DAB1: variants seen among roughly 807,000 people sequenced by gnomAD.
The protein encoded by DAB1 is disabled homolog 1.
Under a neutral mutation model 64.6 loss-of-function variants are expected in DAB1, and 15 were observed. The observed-to-expected ratio is 0.23, with a 90% confidence interval of 0.16 to 0.36. The LOEUF is 0.36. Ranked by LOEUF, DAB1 falls within the 10% of genes least tolerant of loss-of-function variation. The pLI is 1.00. For synonymous variants in DAB1, 235 were observed against 251.9 expected, an observed-to-expected ratio of 0.93 and a Z score of 0.64; for missense variants, 596 against 706.7, an observed-to-expected ratio of 0.84 and a Z score of 1.78.
At chr1:57,142,627 C>CACACACACACACAT (rs1473201144) in intron 3 of DAB1, among the ~76,000 whole-genome samples, 2 of 144,068 alleles carry the variant, frequency 1.4e-5, no homozygotes, top group African/African-American at 5.8e-5. Flanking sequence ...CACACACACA[C>CACACACACACACAT]ACATACACAC....
At chr1:57,001,705 T>C (rs965191902) in intron 14 of DAB1, among the ~76,000 whole-genome samples, 9 of 152,286 alleles carry the variant, frequency 5.9e-5, no homozygotes, top group Admixed American at 2.0e-4. Flanking sequence ...CAAACCCTAC[T>C]TGGGGTTCAC....
intron 7 of DAB1, among the ~76,000 whole-genome samples, chr1:57,467,532 T>G (rs532897744): frequency 6.6e-6 from 1 of 152,308 alleles, no homozygotes; most frequent in Admixed American, 6.5e-5. Context: ...ACCTTAGGAA[T>G]AATGGACCCA....
chr1:58,511,892 C>T (rs572270951), intron 2 of DAB1, among the ~76,000 whole-genome samples: 100 of 151,676 alleles, frequency 6.6e-4, no homozygotes, highest in Non-Finnish European at 1.1e-3. Context: ...ACCAAAAGCA[C>T]GGGAAACAAA....
At chr1:57,696,312 G>T (rs1316102580) in intron 6 of DAB1, among the ~76,000 whole-genome samples, 1 of 151,978 alleles carries the variant, frequency 6.6e-6, no homozygotes, top group Non-Finnish European at 1.5e-5. Flanking sequence ...GTCAAGGACT[G>T]CCCTCTGAAA....
chr1:58,008,251 C>T (rs1033210666), intron 5 of DAB1, among the ~76,000 whole-genome samples: 1 of 152,116 alleles, frequency 6.6e-6, no homozygotes, highest in African/African-American at 2.4e-5. Context: ...CCAGAACCAC[C>T]ACACTCCTAA....
intron 7 of DAB1, among the ~76,000 whole-genome samples, chr1:57,626,031 T>C (rs1645918475): frequency 6.6e-6 from 1 of 152,164 alleles, no homozygotes. Flanking sequence ...GAATAAAATA[T>C]ATTAGTTTGG....
intron 5 of DAB1, among the ~76,000 whole-genome samples, chr1:58,010,099 T>C (rs1646645731): frequency 6.6e-6 from 1 of 152,182 alleles, no homozygotes; most frequent in African/African-American, 2.4e-5. Flanking sequence ...GTGTATCCAA[T>C]GCTGCACTCT....
At chr1:58,277,638 T>C (rs1661481629) in intron 4 of DAB1, among the ~76,000 whole-genome samples, 1 of 152,184 alleles carries the variant, frequency 6.6e-6, no homozygotes, top group South Asian at 2.1e-4. Context: ...CAGTCATGAA[T>C]ACAGCCAGAT....
chr1:57,591,089 C>A (rs113341315), intron 7 of DAB1, among the ~76,000 whole-genome samples: 68 of 152,214 alleles, frequency 4.5e-4, no homozygotes, highest in African/African-American at 1.6e-3. Flanking sequence ...TCTGAACCTG[C>A]CATGAAAATG....
intron 5 of DAB1, among the ~76,000 whole-genome samples, chr1:58,005,641 A>G (rs898056447): frequency 1.3e-5 from 2 of 150,822 alleles, no homozygotes; most frequent in African/African-American, 4.9e-5. Flanking sequence ...GTGCCTCAAG[A>G]TGCAAGACTA....
intron 5 of DAB1, among the ~76,000 whole-genome samples, chr1:57,959,301 A>T (rs1645462413): frequency 6.6e-6 from 1 of 152,248 alleles, no homozygotes; most frequent in Admixed American, 6.5e-5. Context: ...GCATAGTCTA[A>T]GTACTCTAAC....
chr1:57,438,697 T>C lies in DAB1; in HGVS notation n.626-147531A>G, dbSNP rs114117593. Among the ~76,000 whole-genome samples, 1,479 of 152,322 alleles carry C rather than the reference T, an allele frequency of 9.7e-3. 43 individuals carry two copies. Among genetic ancestry groups the C allele is most frequent in the Admixed American group, 0.065 (998 of 15,300 alleles). On this transcript the variant is annotated intron_variant and non_coding_transcript_variant, in intron 7 of 20. Coordinates refer to the DAB1 transcript ENST00000485760. Reference sequence around the variant, plus strand: ...AAGGGATAGTAACATCCCTTTATCTTCTGGAGTCCCATGATAATACATTTA... The same window carrying C: ...AAGGGATAGTAACATCCCTTTATCTCCTGGAGTCCCATGATAATACATTTA...
At position 57,722,155 on chromosome 1, in the gene DAB1, GAGCAATTCACACTTTATGTAA is replaced by G. The variant is rs550661559; in HGVS notation, n.552-72511_552-72491del. On this transcript the variant is annotated intron_variant and non_coding_transcript_variant, in intron 6 of 20. Coordinates refer to the DAB1 transcript ENST00000485760. The stretch of plus-strand genomic sequence containing the variant: ...ATAGGCACAACATCCAGAAAGCAGG[GAGCAATTCACACTTTATGTAA>G]AGCAATTCACACTTTATGTAAAGCC... Among the ~76,000 whole-genome samples the G allele has an allele frequency of 2.1e-3, 322 of 152,208 alleles. 1 individual carries two copies. The highest frequency in any genetic ancestry group is 7.2e-3 in the African/African-American group (300 of 41,514).
intron 5 of DAB1, among the ~76,000 whole-genome samples, chr1:57,898,705 C>T (rs112872172): frequency 0.011 from 1,622 of 152,242 alleles, 22 homozygotes; most frequent in African/African-American, 0.036. Flanking sequence ...GGTGTCTCTG[C>T]CCCCACTTGG....
At chr1:57,554,381 C>T (rs1286594393) in intron 7 of DAB1, among the ~76,000 whole-genome samples, 1 of 152,210 alleles carries the variant, frequency 6.6e-6, no homozygotes, top group Non-Finnish European at 1.5e-5. Context: ...TAGGCTACCT[C>T]TTTTGCAGGT....
At chr1:57,409,722 T>C (rs1304679294) in intron 1 of DAB1, among the ~76,000 whole-genome samples, 1 of 152,096 alleles carries the variant, frequency 6.6e-6, no homozygotes, top group Non-Finnish European at 1.5e-5. Flanking sequence ...GGCAGGAGAA[T>C]CACTTGAACC....
Position 57,241,129 on chromosome 1 carries a change from T to A in DAB1, c.67+49835A>T, listed in dbSNP as rs1372412325. On this transcript the variant is annotated intron_variant, in intron 2 of 14. Transcript: ENST00000371236. ...TTATTAATCATAGTATCTCCAGTAC[T>A]TAGTAAGGTATTTGGCACTGATTAG... is the stretch of plus-strand genomic sequence containing the variant. Among the ~76,000 whole-genome samples, 3 of 152,214 alleles carry A rather than the reference T, an allele frequency of 2.0e-5. No homozygotes were observed. In the East Asian group the frequency reaches 5.8e-4, roughly 29 times the overall value.
chr1:57,702,774 T>C (rs1322045762), intron 6 of DAB1, among the ~76,000 whole-genome samples: 2 of 152,158 alleles, frequency 1.3e-5, no homozygotes, highest in Non-Finnish European at 2.9e-5. Context: ...GGCATCATGC[T>C]ACCAGACTTC....
At chr1:57,121,850 A>G (rs994870092) in intron 4 of DAB1, among the ~76,000 whole-genome samples, 2 of 152,124 alleles carry the variant, frequency 1.3e-5, no homozygotes, top group East Asian at 3.9e-4. Flanking sequence ...ACCATGGCAC[A>G]TGTGTACCTG....
Sources: allele counts gnomAD v4.1 joint callset (sites outside exome capture counted in the v4.1 genomes callset), GRCh38; gene constraint gnomAD v4.1.1; transcripts MANE v1.5; gene names NCBI Gene and HGNC (gene_info 2026-07-23, HGNC 2026-07-21).